Variants in MAF observed in about 807,000 individuals in gnomAD.
The protein encoded by MAF is MAF bZIP transcription factor.
MAF carries 10 observed loss-of-function variants against 22.0 expected under a neutral mutation model. That is an observed-to-expected ratio of 0.45 (90% CI 0.28 to 0.77). The LOEUF is 0.77. MAF is among the 30% of genes least tolerant of loss of function. The pLI, the probability that MAF is intolerant of heterozygous loss-of-function variation, is 0.12. For synonymous variants in MAF, 337 were observed against 255.8 expected (o/e 1.32, Z -3.03); for missense variants, 544 against 548.4 (o/e 0.99, Z 0.08).
At chr16:79,589,994 G>C (rs1188453490), downstream of MAF, among the ~76,000 whole-genome samples, 1 of 152,158 alleles carries the variant, frequency 6.6e-6, no homozygotes, top group African/African-American at 2.4e-5. Flanking sequence ...GGTAGCTTCA[G>C]GCAATCTTCG....
the MAF span, among the ~76,000 whole-genome samples, chr16:79,222,419 A>G: frequency 1.3e-5 from 2 of 152,176 alleles, no homozygotes; most frequent in Admixed American, 1.3e-4. Flanking sequence ...CTATGAAGAA[A>G]CTGCATCAAC....
the MAF span, among the ~76,000 whole-genome samples, chr16:79,493,539 C>T: frequency 6.6e-6 from 1 of 152,172 alleles, no homozygotes. Context: ...CTGTTGAACT[C>T]CTGATTTCAA....
At chr16:79,330,275 A>G in the MAF span, among the ~76,000 whole-genome samples, 3 of 152,204 alleles carry the variant, frequency 2.0e-5, no homozygotes, top group Non-Finnish European at 4.4e-5. Flanking sequence ...TTGAGAACAA[A>G]ATGTGTATGT....
At chr16:79,473,558 T>A in the MAF span, among the ~76,000 whole-genome samples, 6 of 152,116 alleles carry the variant, frequency 3.9e-5, no homozygotes, top group Admixed American at 3.3e-4. Context: ...AGAGGACACA[T>A]CTACCAGCCT....
the MAF span, chr16:79,206,101 C>A: frequency 6.6e-6 from 1 of 152,096 alleles, no homozygotes; most frequent in Non-Finnish European, 1.5e-5. Context: ...GATATCATTT[C>A]AATTTAGCTC....
chr16:79,505,720 G>A, the MAF span: 2 of 152,398 alleles, frequency 1.3e-5, no homozygotes, highest in African/African-American at 4.8e-5. Context: ...TGAGGCGACT[G>A]GGGTCTACAT....
At chr16:79,325,935 G>T in the MAF span, among the ~76,000 whole-genome samples, 2 of 152,152 alleles carry the variant, frequency 1.3e-5, no homozygotes, top group African/African-American at 4.8e-5. Context: ...CTCTGATCTT[G>T]TGTGACACTG....
chr16:79,217,709 C>T, the MAF span, among the ~76,000 whole-genome samples: 4 of 152,084 alleles, frequency 2.6e-5, no homozygotes, highest in African/African-American at 9.7e-5. Flanking sequence ...TCTTTCAACT[C>T]CAAAGGTGGC....
the MAF span, among the ~76,000 whole-genome samples, chr16:79,270,683 G>A: frequency 6.6e-6 from 1 of 152,160 alleles, no homozygotes; most frequent in South Asian, 2.1e-4. Context: ...ACAGTAGGAA[G>A]GAGGAGGGTG....
At chr16:79,592,117 C>T (rs1448641466), downstream of MAF, among the ~76,000 whole-genome samples, 2 of 152,182 alleles carry the variant, frequency 1.3e-5, no homozygotes. Context: ...TCTTGTTTCC[C>T]TCATTTCTCA....
At chr16:79,282,189 G>A in the MAF span, among the ~76,000 whole-genome samples, 306 of 152,256 alleles carry the variant, frequency 2.0e-3, 2 homozygotes, top group African/African-American at 7.1e-3. Flanking sequence ...TGCCAATTAG[G>A]AAGCCAAAAG....
chr16:79,412,536 C>G, the MAF span, among the ~76,000 whole-genome samples: 2 of 152,208 alleles, frequency 1.3e-5, no homozygotes, highest in Non-Finnish European at 2.9e-5. Context: ...TAGGGGCTGT[C>G]CTGTGTATTG....
chr16:79,572,459 C>T, the MAF span, among the ~76,000 whole-genome samples: 747 of 152,302 alleles, frequency 4.9e-3, 7 homozygotes, highest in African/African-American at 0.017. Context: ...TGAACAATAC[C>T]GGCCTTAATT....
chr16:79,342,731 G>A, the MAF span, among the ~76,000 whole-genome samples: 13 of 151,922 alleles, frequency 8.6e-5, no homozygotes, highest in Non-Finnish European at 1.8e-4. Context: ...TACTATTGAC[G>A]CCTACTAGAA....
At chr16:79,335,785 CT>C in the MAF span, among the ~76,000 whole-genome samples, 2 of 152,198 alleles carry the variant, frequency 1.3e-5, no homozygotes, top group Non-Finnish European at 2.9e-5. Flanking sequence ...CTGGCTCCAA[CT>C]CTGGTTGGTG....
the MAF span, among the ~76,000 whole-genome samples, chr16:79,267,824 G>A: frequency 1.2e-4 from 19 of 152,140 alleles, no homozygotes; most frequent in African/African-American, 4.6e-4. Flanking sequence ...GGTCTGGAGG[G>A]AGCTTCCTAA....
At chr16:79,268,743 A>G in the MAF span, among the ~76,000 whole-genome samples, 2 of 152,222 alleles carry the variant, frequency 1.3e-5, no homozygotes, top group African/African-American at 4.8e-5. Context: ...TATCAGTTTC[A>G]AAAGAGGACC....
the MAF span, among the ~76,000 whole-genome samples, chr16:79,512,088 T>C: frequency 3.3e-5 from 5 of 152,220 alleles, no homozygotes; most frequent in Admixed American, 1.3e-4. Context: ...GATGGCGAAC[T>C]CACTACCTGT....
At chr16:79,270,172 C>T in the MAF span, among the ~76,000 whole-genome samples, 1 of 151,902 alleles carries the variant, frequency 6.6e-6, no homozygotes. Flanking sequence ...AAAGGAAGCC[C>T]CTGAAAAGCA....
Sources: gnomAD v4.1 joint callset for allele counts (sites outside exome capture counted in the v4.1 genomes callset) on GRCh38, gnomAD v4.1.1 for gene constraint, MANE v1.5 for transcripts, NCBI Gene and HGNC (gene_info 2026-07-23, HGNC 2026-07-21) for gene names.